The following HOOK2 variants were observed in gnomAD, a reference collection of about 807,000 sequenced individuals.
HOOK2 encodes the protein hook microtubule tethering protein 2.
A neutral mutation model predicts 111.9 loss-of-function variants in HOOK2; 108 were observed. The observed-to-expected ratio is 0.96, with a 90% CI of 0.83 to 1.13. The LOEUF is 1.13. Among genes scored for constraint, HOOK2 ranks in the 50% most tolerant of loss-of-function variants. HOOK2 has a pLI of 0.00. For missense variants in HOOK2, 978 were observed against 951.3 expected (o/e 1.03, Z -0.37); for synonymous variants, 405 against 394.3 (o/e 1.03, Z -0.32).
In HOOK2 at chr19:12,769,789, G is replaced by A. The variant is rs905749809; in HGVS notation, c.1104+92C>T. The A allele has an allele frequency of 6.6e-6, 7 of 1,054,998 alleles. No homozygotes were observed. In the African/African-American group the frequency reaches 1.2e-4, roughly 18 times the overall value. 65.4% of individuals were successfully genotyped at this position (1,054,998 alleles called of 1,614,324 possible). A position where few individuals can be genotyped will look rare whatever the true frequency, so the allele number is the denominator to read the frequency against. ...AGAGCGTGGCCTACGTACAAATAAG[G>A]GAGGGGATCAGGGGTGGGCGGAGGG... On this transcript the variant is annotated intron_variant, in intron 11 of 22. Coordinates refer to ENST00000397668, the MANE Select transcript of HOOK2 (RefSeq NM_013312.3).
At position 12,770,942 on chromosome 19, in the gene HOOK2, C is replaced by G. The variant is rs779987081; in HGVS notation, c.892G>C (p.Asp298His). 1.9e-5 allele frequency: 31 copies of G among 1,600,642 alleles called. No homozygotes were observed. The highest frequency in any genetic ancestry group is 2.2e-4 in the Middle Eastern group (1 of 4,458). ...QEAQALKDEM[D>H]ELRQSSERAG... ...GAACCCACCACTCACCGTAGTTCAT[C>G]CATCTCATCCTTCAGGGCCTGTGCC... Residue 298 changes from aspartate (D) to histidine (H), a missense_variant, in exon 10 of 23, where the codon GAT becomes CAT. Around this residue, in one of 5 missense-constraint regions of HOOK2, gnomAD observed 388 missense variants for 358.3 expected, o/e 1.08. Transcript: ENST00000397668.
chr19:12,780,654 CTTTTTTTTTT>C (rs1203010571), upstream of HOOK2, among the ~76,000 whole-genome samples: 1 of 32,092 alleles, frequency 3.1e-5, no homozygotes, highest in Non-Finnish European at 5.8e-5. Context: ...CGCGCCCGGC[CTTTTTTTTTT>C]TTTTTTTTTT....
chr19:12,769,009 A>G (rs1308811322), intron 11 of HOOK2, among the ~76,000 whole-genome samples: 1 of 134,688 alleles, frequency 7.4e-6, no homozygotes, highest in African/African-American at 2.9e-5. Context: ...TCTGTCGCCC[A>G]GCCTGGAGTG....
At chr19:12,763,978 C>G (rs2145719026) in intron 20 of HOOK2, among the ~76,000 whole-genome samples, 200 bp from the exon 21 acceptor site, 1 of 152,286 alleles carries the variant, frequency 6.6e-6, no homozygotes, top group East Asian at 1.9e-4. Flanking sequence ...AAGCATGAGC[C>G]ATTGTGCCCA....
At chr19:12,792,124 G>C (rs746632492) in intron 3 of HOOK2, 12 of 1,599,530 alleles carry the variant, frequency 7.5e-6, no homozygotes, top group Non-Finnish European at 1.0e-5. Context: ...GGTGGCAGCG[G>C]TGGAGGTGCA....
intron 1 of HOOK2, 41 bp from the exon 2 acceptor site, chr19:12,774,938 G>A: frequency 6.4e-7 from 1 of 1,574,266 alleles, no homozygotes; most frequent in African/African-American, 1.3e-5. Context: ...GTTAGGGCCT[G>A]GGAGCGCCGA....
rs1420115546 is a variant in HOOK2, at chr19:12,767,410, A to G, written c.1358T>C (p.Leu453Pro). Residue 453 changes from leucine (L) to proline (P), a missense_variant, in exon 14 of 23, where the codon CTG becomes CCG. Physicochemically the swap from Leu to Pro is moderately conservative, Grantham distance 98. Coordinates refer to ENST00000397668, the MANE Select transcript of HOOK2 (RefSeq NM_013312.3). The stretch of plus-strand genomic sequence containing the variant: ...CCCAGGATACCTGAGCTCCGCAGGC[A>G]GGATCTCTGCGGCTAAGTTATCCAC... ...TPVDNLAAEI[L>P]PAELRETLLR... The G allele has an allele frequency of 1.2e-6, 2 of 1,614,056 alleles. No individual in the cohort carries two copies. The highest frequency in any genetic ancestry group is 1.7e-6 in the Non-Finnish European group (2 of 1,179,948).
chr19:12,781,536 C>G (rs111806715), upstream of HOOK2, among the ~76,000 whole-genome samples: 12,002 of 151,768 alleles, frequency 0.079, 1,602 homozygotes, highest in African/African-American at 0.28. Flanking sequence ...GTGTGTTAGC[C>G]AGGATGGTCT....
In HOOK2 at chr19:12,783,499, G is replaced by GC. The variant is rs1402454044; in HGVS notation, n.42-9275dup. ...CCATTTTGACTCAGAGCAAGCCGGC[G>GC]CCCCCCTCGAGCCTGGCCTCCTGGG... On this transcript the variant is annotated intron_variant and non_coding_transcript_variant, in intron 3 of 3. Coordinates refer to the HOOK2 transcript ENST00000589765. 4.6e-5 allele frequency among the ~76,000 whole-genome samples: 7 copies of GC among 151,782 alleles called. 1 individual carries two copies. Among genetic ancestry groups the GC allele is most frequent in the African/African-American group, 9.7e-5 (4 of 41,302 alleles).
Position 12,790,465 on chromosome 19 carries a change from T to C in HOOK2, n.42-16240A>G, listed in dbSNP as rs1409930883. On this transcript the variant is annotated intron_variant and non_coding_transcript_variant, in intron 3 of 3. Transcript: ENST00000589765. This position sits in a 1 kb window ranked among gnomAD's most constrained non-coding sequence, Gnocchi z 7.2. The stretch of plus-strand genomic sequence containing the variant: ...GGTGTTGGGCAAAGCCCAGGGTCAA[T>C]AGGGGAGGGTTTTAGGATGGGGGAC... 6.6e-6 allele frequency among the ~76,000 whole-genome samples: 1 copy of C among 152,076 alleles called. No individual in the cohort carries two copies. Among genetic ancestry groups the C allele is most frequent in the Non-Finnish European group, 1.5e-5 (1 of 68,000 alleles).
intron 14 of HOOK2, 99 bp from the exon 15 acceptor site, chr19:12,766,339 G>A (rs1259470976): frequency 2.2e-6 from 3 of 1,382,556 alleles, no homozygotes; most frequent in African/African-American, 2.9e-5. Flanking sequence ...CAGAGCCCTG[G>A]GGAAGAGCCC....
chr19:12,775,279 G>C, intron 1 of HOOK2, 126 bp downstream of exon 1: 2 of 1,479,912 alleles, frequency 1.4e-6, no homozygotes, highest in Non-Finnish European at 1.8e-6. Context: ...AGAGTCCAAC[G>C]GTCCAGCAAG....
rs1259382951 is a variant in HOOK2 at position 12,790,188 on chromosome 19, G to C, written n.42-15963C>G. The stretch of plus-strand genomic sequence containing the variant: ...GCTGCCGCGGCTGGGCGGGCTCCAA[G>C]CACCCGGGCCTCCGCGGGGGCTCGC... On this transcript the variant is annotated intron_variant and non_coding_transcript_variant, in intron 3 of 3. Transcript: ENST00000589765. The surrounding 1 kb of genome is among the most constrained non-coding windows in gnomAD (Gnocchi z 7.2). 6.6e-6 allele frequency among the ~76,000 whole-genome samples: 1 copy of C among 152,206 alleles called. No individual in the cohort carries two copies. Among genetic ancestry groups the C allele is most frequent in the Non-Finnish European group, 1.5e-5 (1 of 68,036 alleles).
rs1486642133 is a variant in HOOK2, at chr19:12,772,057, G to A, written c.519+133C>T. On this transcript the variant is annotated intron_variant, in intron 7 of 22. Transcript: ENST00000397668. ...GCCCCTCCCCCTTAGGCTACCCTGA[G>A]CATCTGTAAGTGGGGTCTGGACCTT... 6 of 714,750 alleles carry A rather than the reference G, an allele frequency of 8.4e-6. No individual in the cohort carries two copies. In the East Asian group the frequency reaches 1.3e-4, roughly 16 times the overall value. The allele number at this position is 714,750 out of a possible 1,614,324, so 44.3% of individuals were successfully genotyped here. A position where few individuals can be genotyped will look rare whatever the true frequency, so the allele number is the denominator to read the frequency against.
chr19:12,775,426 T>G lies in HOOK2; in HGVS notation c.24A>C (p.Leu8=), dbSNP rs1185056761. 3 of 1,612,830 alleles carry G rather than the reference T, an allele frequency of 1.9e-6. No individual in the cohort carries two copies. Among genetic ancestry groups the G allele is most frequent in the Non-Finnish European group, 2.5e-6 (3 of 1,179,646 alleles). The part of the protein sequence containing the change: MSVDKAE[L]CGSLLTWLQT... ...CTACCCAGGTGAGCAGAGACCCGCA[T>G]AGCTCAGCTTTGTCCACGCTCATGG... Residue 8 remains leucine, a synonymous_variant, in exon 1 of 23, where the codon CTA becomes CTC. Transcript: ENST00000397668.
chr19:12,765,755 G>A lies in HOOK2; in HGVS notation c.1606-31C>T, dbSNP rs201664812. On this transcript the variant is annotated intron_variant, in intron 17 of 22. Coordinates refer to ENST00000397668, the MANE Select transcript of HOOK2 (RefSeq NM_013312.3). ...AGAGAGAAGAGGCAAGGTGAGTGGG[G>A]GATCCAGAGAGGCCCTAATTCTTCC... The A allele has an allele frequency of 8.1e-6, 13 of 1,614,174 alleles. No individual in the cohort carries two copies. In the East Asian group the frequency reaches 2.2e-4, roughly 28 times the overall value.
chr19:12,768,287 G>A (rs1440862032), intron 11 of HOOK2, among the ~76,000 whole-genome samples, 164 bp from the exon 12 acceptor site: 2 of 152,102 alleles, frequency 1.3e-5, no homozygotes, highest in Non-Finnish European at 2.9e-5. Flanking sequence ...TAGAGACAGG[G>A]TCTCCCTCTG....
In HOOK2 at chr19:12,771,301, CCT is replaced by C; in HGVS notation, c.617_618del (p.Glu206GlyfsTer20). The C allele has an allele frequency of 2.5e-6, 4 of 1,604,054 alleles. No individual in the cohort carries two copies. The highest frequency in any genetic ancestry group is 2.6e-6 in the Non-Finnish European group (3 of 1,174,868). On this transcript the variant is annotated frameshift_variant, in exon 9 of 23. Transcript: ENST00000397668. LOFTEE classifies it high-confidence loss of function. ...DLERQLMLLS[E>X]EKQSLAQENA... ...TTCTCTTGCGCCAGGCTCTGCTTCT[CCT>C]CTGACAGGAGCATCAGCTGCGGGCA...
intron 10 of HOOK2, among the ~76,000 whole-genome samples, chr19:12,770,575 G>A (rs1275538618): frequency 1.3e-5 from 2 of 151,810 alleles, no homozygotes; most frequent in African/African-American, 2.4e-5. Flanking sequence ...GTCCTAGAAG[G>A]TACCATGGGA....
Sources: allele counts gnomAD v4.1 joint callset (sites outside exome capture counted in the v4.1 genomes callset), GRCh38; gene constraint gnomAD v4.1.1; regional missense constraint gnomAD v4.1.1; non-coding constraint Gnocchi (gnomAD v3.1); transcripts MANE v1.5; gene names NCBI Gene and HGNC (gene_info 2026-07-23, HGNC 2026-07-21).